AMBRA1: variants seen among roughly 807,000 people sequenced by gnomAD.
AMBRA1 encodes activating molecule in BECN1-regulated autophagy protein 1.
In AMBRA1, 47 loss-of-function variants were observed where a neutral mutation model predicts 125.4. The ratio of observed to expected loss-of-function variants is 0.37; its 90% CI spans 0.30 to 0.48. The LOEUF (loss-of-function observed/expected upper bound fraction) is 0.48. Ranked by LOEUF, AMBRA1 falls within the 20% of genes least tolerant of loss-of-function variation. The pLI is 0.99. For missense variants in AMBRA1, 1,331 were observed against 1,693.4 expected, an observed-to-expected ratio of 0.79 and a Z score of 3.76; for synonymous variants, 626 against 655.5, an observed-to-expected ratio of 0.95 and a Z score of 0.69.
chr11:46,588,158 C>T (rs917240692), intron 1 of AMBRA1, among the ~76,000 whole-genome samples: 1 of 151,272 alleles, frequency 6.6e-6, no homozygotes, highest in African/African-American at 2.4e-5. Flanking sequence ...CATGGTGAAA[C>T]CTGGTCTCTA....
At chr11:46,589,864 CA>C (rs1309267661) in intron 1 of AMBRA1, among the ~76,000 whole-genome samples, 1 of 151,474 alleles carries the variant, frequency 6.6e-6, no homozygotes, top group Non-Finnish European at 1.5e-5. Flanking sequence ...CCTCATGATC[CA>C]CCCACCTTCG....
chr11:46,562,169 T>C (rs986364195), intron 1 of AMBRA1, among the ~76,000 whole-genome samples: 1 of 152,148 alleles, frequency 6.6e-6, no homozygotes, highest in Non-Finnish European at 1.5e-5. Context: ...GAGATGACAT[T>C]TGAGTTAAGA....
At chr11:46,500,056 G>A (rs570919992) in intron 9 of AMBRA1, among the ~76,000 whole-genome samples, 2 of 152,290 alleles carry the variant, frequency 1.3e-5, no homozygotes, top group East Asian at 1.9e-4. Context: ...ATCAGACACT[G>A]AGGCCTAGGA....
chr11:46,585,475 G>C (rs1474426849), intron 1 of AMBRA1, among the ~76,000 whole-genome samples: 1 of 149,070 alleles, frequency 6.7e-6, no homozygotes, highest in Admixed American at 6.7e-5. Context: ...AGACCATCCT[G>C]GCTAACATGG....
intron 5 of AMBRA1, 110 bp from the exon 6 acceptor site, chr11:46,544,151 C>G: frequency 1.3e-6 from 1 of 782,420 alleles, no homozygotes; most frequent in Non-Finnish European, 2.1e-6. Context: ...ACTGGTATCA[C>G]TCAGGTATCC....
At chr11:46,409,620 C>T (rs1358389625) in intron 16 of AMBRA1, among the ~76,000 whole-genome samples, 1 of 152,238 alleles carries the variant, frequency 6.6e-6, no homozygotes, top group African/African-American at 2.4e-5. Context: ...GCTAGCATCC[C>T]CCTTCCTTGG....
In AMBRA1 at chr11:46,493,780, A is replaced by G. The variant is rs988916805; in HGVS notation, c.2421-72T>C. Reference sequence around the variant, plus strand: ...AAACAGATACTAACTACCTACACTGAAAAATCTGGGCTAAGGGACCCACTG... The same window carrying G: ...AAACAGATACTAACTACCTACACTGGAAAATCTGGGCTAAGGGACCCACTG... On this transcript the variant is annotated intron_variant, in intron 10 of 17. Coordinates refer to ENST00000683756, the MANE Select transcript of AMBRA1 (RefSeq NM_001387011.1). The G allele has an allele frequency of 4.7e-6, 6 of 1,267,618 alleles. No individual in the cohort carries two copies. The African/African-American group carries it at 7.6e-5, about 16-fold the overall frequency. 78.5% of individuals were successfully genotyped at this position (1,267,618 alleles called of 1,614,324 possible).
chr11:46,495,323 C>T (rs978770186), intron 9 of AMBRA1: 1 of 152,100 alleles, frequency 6.6e-6, no homozygotes, highest in Non-Finnish European at 1.5e-5. Flanking sequence ...GCCCTGAAAC[C>T]GAAGTTAAGG....
intron 14 of AMBRA1, among the ~76,000 whole-genome samples, chr11:46,432,583 G>A (rs1385586468): frequency 6.6e-6 from 1 of 152,072 alleles, no homozygotes; most frequent in African/African-American, 2.4e-5. Context: ...CCATCTACAT[G>A]CACAGCACTA....
chr11:46,546,678 G>C (rs2135185085), intron 4 of AMBRA1, among the ~76,000 whole-genome samples: 1 of 151,708 alleles, frequency 6.6e-6, no homozygotes, highest in East Asian at 1.9e-4. Flanking sequence ...TTAATTAAGT[G>C]GGCAATGTCT....
intron 1 of AMBRA1, among the ~76,000 whole-genome samples, chr11:46,563,332 T>C (rs2043401841): frequency 6.6e-6 from 1 of 152,174 alleles, no homozygotes. Flanking sequence ...GTAAGTGATC[T>C]TCCCATCTCG....
At chr11:46,513,570 G>A (rs957157498) in intron 7 of AMBRA1, among the ~76,000 whole-genome samples, 1 of 152,282 alleles carries the variant, frequency 6.6e-6, no homozygotes, top group African/African-American at 2.4e-5. Flanking sequence ...AGAAGTTAAA[G>A]TGTATCACTC....
intron 11 of AMBRA1, among the ~76,000 whole-genome samples, chr11:46,473,053 C>T (rs1306926635): frequency 6.6e-6 from 1 of 152,200 alleles, no homozygotes; most frequent in African/African-American, 2.4e-5. Context: ...TACAAGAGTG[C>T]TAGATCATGT....
At chr11:46,481,874 T>A (rs34032253) in intron 11 of AMBRA1, among the ~76,000 whole-genome samples, 253 of 152,376 alleles carry the variant, frequency 1.7e-3, no homozygotes, top group Non-Finnish European at 3.0e-3. Flanking sequence ...AATGACAGTG[T>A]ATCATAGCAA....
intron 15 of AMBRA1, among the ~76,000 whole-genome samples, chr11:46,411,171 C>T (rs1249533231): frequency 2.0e-5 from 3 of 151,382 alleles, no homozygotes; most frequent in East Asian, 1.9e-4. Flanking sequence ...TGCAGGCTCT[C>T]GCCCCTGGGG....
At chr11:46,496,923 T>G (rs1201191189) in intron 9 of AMBRA1, among the ~76,000 whole-genome samples, 1 of 151,376 alleles carries the variant, frequency 6.6e-6, no homozygotes, top group Non-Finnish European at 1.5e-5. Flanking sequence ...ACCAGCCTGG[T>G]CAACATGGTG....
intron 11 of AMBRA1, among the ~76,000 whole-genome samples, chr11:46,456,798 G>A (rs1948866007): frequency 6.6e-6 from 1 of 152,178 alleles, no homozygotes. Flanking sequence ...CTGAACGTGG[G>A]TTTGACTGGC....
At chr11:46,427,887 T>G (rs1199345266) in intron 14 of AMBRA1, among the ~76,000 whole-genome samples, 2 of 151,374 alleles carry the variant, frequency 1.3e-5, no homozygotes, top group African/African-American at 4.9e-5. Flanking sequence ...CGAGTGCCTG[T>G]AGACCCAGCT....
At chr11:46,423,454 C>A (rs1225898398) in intron 14 of AMBRA1, among the ~76,000 whole-genome samples, 3 of 151,956 alleles carry the variant, frequency 2.0e-5, no homozygotes, top group Non-Finnish European at 1.5e-5. Context: ...TGCAGTGGTG[C>A]GATCTTGGTT....
Sources: gnomAD v4.1 joint callset for allele counts (sites outside exome capture counted in the v4.1 genomes callset) on GRCh38, gnomAD v4.1.1 for gene constraint, MANE v1.5 for transcripts, NCBI Gene and HGNC (gene_info 2026-07-23, HGNC 2026-07-21) for gene names.